Variants in TP63 observed in about 807,000 individuals in gnomAD.
The protein encoded by TP63 is tumor protein p63.
A neutral mutation model predicts 82.8 loss-of-function variants in TP63; 17 were observed. The observed-to-expected ratio is 0.21, with a 90% CI of 0.14 to 0.31. The LOEUF (loss-of-function observed/expected upper bound fraction) is 0.31. TP63 is among the 10% of genes least tolerant of loss of function. The pLI, the probability that TP63 is intolerant of heterozygous loss-of-function variation, is 1.00. For synonymous variants in TP63, 330 were observed against 321.7 expected, an observed-to-expected ratio of 1.03 and a Z score of -0.28; for missense variants, 648 against 895.3, an observed-to-expected ratio of 0.72 and a Z score of 3.52.
At chr3:189,641,670 C>T (rs933453773) in intron 1 of TP63, among the ~76,000 whole-genome samples, 4 of 151,856 alleles carry the variant, frequency 2.6e-5, no homozygotes, top group African/African-American at 9.7e-5. Flanking sequence ...TTATTATTTC[C>T]CTTATTTTTG....
At chr3:189,722,394 T>A (rs1439265895) in intron 1 of TP63, among the ~76,000 whole-genome samples, 1 of 152,220 alleles carries the variant, frequency 6.6e-6, no homozygotes, top group Non-Finnish European at 1.5e-5. Flanking sequence ...CTGTAGTTCA[T>A]CTGATAACAA....
At chr3:189,838,565 A>G (rs929214863) in intron 4 of TP63, among the ~76,000 whole-genome samples, 14 of 152,182 alleles carry the variant, frequency 9.2e-5, no homozygotes, top group Non-Finnish European at 1.6e-4. Context: ...GGGTTTGTTT[A>G]AATCTCTCCC....
chr3:189,816,533 T>C (rs1413181621), intron 4 of TP63, among the ~76,000 whole-genome samples: 3 of 152,158 alleles, frequency 2.0e-5, no homozygotes, highest in Non-Finnish European at 4.4e-5. Context: ...TAAAACCATA[T>C]AACTATATAT....
chr3:189,667,968 A>C (rs1054911789), intron 1 of TP63, among the ~76,000 whole-genome samples: 3 of 152,138 alleles, frequency 2.0e-5, no homozygotes, highest in Non-Finnish European at 4.4e-5. Flanking sequence ...GATTTGACCC[A>C]CAGACCATAG....
intron 9 of TP63, among the ~76,000 whole-genome samples, chr3:189,869,701 G>A (rs1274062097): frequency 6.6e-6 from 1 of 151,254 alleles, no homozygotes; most frequent in Non-Finnish European, 1.5e-5. Context: ...GAGAGGGCTA[G>A]AGAGCTCTCT....
At chr3:189,848,149 G>T (rs915509111) in intron 4 of TP63, among the ~76,000 whole-genome samples, 1 of 151,934 alleles carries the variant, frequency 6.6e-6, no homozygotes, top group Non-Finnish European at 1.5e-5. Flanking sequence ...CGAATAAAGT[G>T]GCTGAACCAA....
chr3:189,693,085 CCTTTGG>C (rs942188991), intron 1 of TP63, among the ~76,000 whole-genome samples: 2 of 152,110 alleles, frequency 1.3e-5, no homozygotes, highest in Admixed American at 6.6e-5. Context: ...TTACCTACAA[CCTTTGG>C]CTTATATCTT....
chr3:189,871,766 G>C (rs1560284196), intron 9 of TP63, among the ~76,000 whole-genome samples: 1 of 152,152 alleles, frequency 6.6e-6, no homozygotes, highest in Non-Finnish European at 1.5e-5. Flanking sequence ...TTGTTGCCCA[G>C]GTTGGAGTGT....
chr3:189,719,101 C>T (rs1719179909), intron 1 of TP63, among the ~76,000 whole-genome samples: 1 of 151,928 alleles, frequency 6.6e-6, no homozygotes, highest in South Asian at 2.1e-4. Context: ...AAGAACAAAA[C>T]TCACAGATGC....
intron 10 of TP63, among the ~76,000 whole-genome samples, chr3:189,875,695 C>T (rs1389607212): frequency 2.9e-5 from 4 of 139,834 alleles, no homozygotes; most frequent in Admixed American, 1.5e-4. Flanking sequence ...ATGCGTGGAT[C>T]TCCTTTCATT....
chr3:189,624,546 G>C, the TP63 span, among the ~76,000 whole-genome samples: 2 of 152,068 alleles, frequency 1.3e-5, no homozygotes, highest in African/African-American at 4.8e-5. Flanking sequence ...CCAATCTAAG[G>C]CTTGATAGAC....
At chr3:189,751,098 C>G (rs1160181893) in intron 3 of TP63, among the ~76,000 whole-genome samples, 2 of 152,100 alleles carry the variant, frequency 1.3e-5, no homozygotes, top group Admixed American at 6.6e-5. Flanking sequence ...TGATAGTTTG[C>G]TGAGAATGAT....
At position 189,661,848 on chromosome 3, in the gene TP63, G is replaced by A. The variant is rs79266094; in HGVS notation, c.62+30271G>A. Among the ~76,000 whole-genome samples the A allele has an allele frequency of 4.1e-3, 623 of 152,050 alleles. 5 individuals are homozygous for A. The highest frequency in any genetic ancestry group is 0.015 in the African/African-American group (603 of 41,514). ...CCATTTCCTCTAGATTTTCCAGTTT[G>A]TGTGAATAGATATGTTTATAATAGT... is the stretch of plus-strand genomic sequence containing the variant. On this transcript the variant is annotated intron_variant, in intron 1 of 13. Coordinates refer to ENST00000264731, the MANE Select transcript of TP63 (RefSeq NM_003722.5).
At chr3:189,757,743 A>C (rs572572981) in intron 3 of TP63, among the ~76,000 whole-genome samples, 1 of 152,298 alleles carries the variant, frequency 6.6e-6, no homozygotes, top group Admixed American at 6.5e-5. Context: ...CCCTACCCCC[A>C]ACCCTCACCA....
intron 1 of TP63, among the ~76,000 whole-genome samples, chr3:189,705,516 C>T (rs912879258): frequency 1.3e-5 from 2 of 151,468 alleles, no homozygotes; most frequent in Non-Finnish European, 2.9e-5. Context: ...GTTGGTAATA[C>T]CTAAAACACA....
chr3:189,708,231 T>C (rs1718342316), intron 1 of TP63, among the ~76,000 whole-genome samples: 1 of 152,206 alleles, frequency 6.6e-6, no homozygotes, highest in African/African-American at 2.4e-5. Flanking sequence ...AACTTCGAAC[T>C]TGGAACCAGT....
intron 1 of TP63, among the ~76,000 whole-genome samples, chr3:189,719,174 C>T (rs548781132): frequency 1.9e-4 from 29 of 152,212 alleles, no homozygotes; most frequent in African/African-American, 5.3e-4. Flanking sequence ...ACGGTGTTCT[C>T]GGTTTGGTAA....
intron 3 of TP63, among the ~76,000 whole-genome samples, chr3:189,745,643 G>T (rs1193842813): frequency 7.4e-6 from 1 of 135,026 alleles, no homozygotes; most frequent in Admixed American, 8.5e-5. Flanking sequence ...GGAGGCGGAG[G>T]TTGCAGTGAG....
At chr3:189,716,603 G>A (rs913633548) in intron 1 of TP63, among the ~76,000 whole-genome samples, 5 of 152,158 alleles carry the variant, frequency 3.3e-5, no homozygotes, top group Admixed American at 3.3e-4. Flanking sequence ...TTCTTACTCG[G>A]AAAGGACTGC....
Sources: gnomAD v4.1 joint callset for allele counts (sites outside exome capture counted in the v4.1 genomes callset) on GRCh38, gnomAD v4.1.1 for gene constraint, MANE v1.5 for transcripts, NCBI Gene and HGNC (gene_info 2026-07-23, HGNC 2026-07-21) for gene names.